DAB1: variants seen among roughly 807,000 people sequenced by gnomAD.
DAB1 encodes disabled homolog 1.
DAB1 carries 15 observed loss-of-function variants against 64.6 expected under a neutral mutation model. The ratio of observed to expected loss-of-function variants is 0.23; its 90% confidence interval spans 0.16 to 0.36. The LOEUF (loss-of-function observed/expected upper bound fraction) is 0.36. DAB1 is among the 10% of genes least tolerant of loss of function. DAB1 has a pLI of 1.00. For synonymous variants in DAB1, 235 were observed against 251.9 expected, an observed-to-expected ratio of 0.93 and a Z score of 0.64; for missense variants, 596 against 706.7, an observed-to-expected ratio of 0.84 and a Z score of 1.78.
At chr1:57,078,741 G>A (rs939249671) in intron 4 of DAB1, among the ~76,000 whole-genome samples, 2 of 152,170 alleles carry the variant, frequency 1.3e-5, no homozygotes, top group South Asian at 4.1e-4. Flanking sequence ...TGGTGGAAGT[G>A]TGATTTGGTG....
At chr1:57,443,144 C>A (rs940694642) in intron 7 of DAB1, among the ~76,000 whole-genome samples, 1 of 152,204 alleles carries the variant, frequency 6.6e-6, no homozygotes, top group African/African-American at 2.4e-5. Flanking sequence ...AAAGAGGACA[C>A]TTAATCATTG....
intron 5 of DAB1, among the ~76,000 whole-genome samples, chr1:58,091,658 C>T (rs901348538): frequency 3.9e-5 from 6 of 152,108 alleles, no homozygotes; most frequent in Non-Finnish European, 5.9e-5. Flanking sequence ...GACTCAGCTC[C>T]CCATAATCCT....
intron 6 of DAB1, among the ~76,000 whole-genome samples, chr1:57,767,308 A>G (rs1369751924): frequency 6.6e-6 from 1 of 152,142 alleles, no homozygotes; most frequent in Non-Finnish European, 1.5e-5. Context: ...TGTTATGAAT[A>G]ACAAAAGATA....
At chr1:57,121,376 G>T (rs1474068504) in intron 4 of DAB1, among the ~76,000 whole-genome samples, 1 of 151,794 alleles carries the variant, frequency 6.6e-6, no homozygotes, top group Non-Finnish European at 1.5e-5. Flanking sequence ...GTACCCTTCT[G>T]CTTGTCACTA....
chr1:57,661,179 GC>G (rs139494703), intron 6 of DAB1, among the ~76,000 whole-genome samples: 1,561 of 152,204 alleles, frequency 0.01, 22 homozygotes, highest in African/African-American at 0.036. Context: ...GTCTAAAACT[GC>G]CCCCTGCTAG....
upstream of DAB1, among the ~76,000 whole-genome samples, chr1:57,425,323 A>G (rs888474590): frequency 2.0e-5 from 3 of 152,210 alleles, no homozygotes; most frequent in African/African-American, 7.2e-5. Flanking sequence ...TAACAAAGAT[A>G]ATGTGATGGA....
At chr1:57,758,808 A>C (rs908525095) in intron 6 of DAB1, among the ~76,000 whole-genome samples, 1 of 152,212 alleles carries the variant, frequency 6.6e-6, no homozygotes, top group African/African-American at 2.4e-5. Context: ...CCAATAAAGA[A>C]AGAAATGTAC....
chr1:57,313,018 A>C (rs1674862235), intron 1 of DAB1, among the ~76,000 whole-genome samples: 1 of 152,116 alleles, frequency 6.6e-6, no homozygotes, highest in African/African-American at 2.4e-5. Context: ...TCCTGGGATG[A>C]GGCTCTCGGA....
intron 6 of DAB1, among the ~76,000 whole-genome samples, chr1:57,812,555 A>G (rs558129642): frequency 1.9e-4 from 29 of 152,258 alleles, no homozygotes; most frequent in African/African-American, 6.7e-4. Context: ...GAATTTGACA[A>G]GTGGGCTCCG....
chr1:57,300,248 TGATATAATTCCAACTGCAAG>T (rs1322571181), intron 1 of DAB1, among the ~76,000 whole-genome samples: 4 of 152,160 alleles, frequency 2.6e-5, no homozygotes, highest in Non-Finnish European at 5.9e-5. Flanking sequence ...GAAATAAAGA[TGATATAATTCCAACTGCAAG>T]GAGCTCAAAT....
Position 57,044,185 on chromosome 1 carries a change from G to A in DAB1, c.724-18142C>T, listed in dbSNP as rs185686834. On this transcript the variant is annotated intron_variant, in intron 9 of 14. Coordinates refer to ENST00000371236, the MANE Select transcript of DAB1 (RefSeq NM_001365792.1). The stretch of plus-strand genomic sequence containing the variant: ...AGCCCCAGCTCTTGTTCATTGCCTT[G>A]TTTGGTTTTGTTTCAAGCACTCACT... 6.6e-5 allele frequency among the ~76,000 whole-genome samples: 10 copies of A among 152,298 alleles called. No individual in the cohort carries two copies. In the East Asian group the frequency reaches 1.7e-3, roughly 26 times the overall value.
At position 58,233,784 on chromosome 1, in the gene DAB1, A is replaced by G. The variant is rs115254848; in HGVS notation, n.310-83196T>C. ...CACAGACCATAAGAATTTGAAATCA[A>G]AAAAGAAATCTCCATTTCAGCTCCT... On this transcript the variant is annotated intron_variant and non_coding_transcript_variant, in intron 4 of 20. Coordinates refer to the DAB1 transcript ENST00000485760. Among the ~76,000 whole-genome samples the G allele has an allele frequency of 3.4e-3, 521 of 152,316 alleles. 1 individual carries two copies. The highest frequency in any genetic ancestry group is 0.012 in the African/African-American group (494 of 41,568).
intron 4 of DAB1, among the ~76,000 whole-genome samples, chr1:58,336,445 T>C (rs1663119907): frequency 6.6e-6 from 1 of 152,232 alleles, no homozygotes; most frequent in Non-Finnish European, 1.5e-5. Context: ...ACAATAGTAA[T>C]AATAGTAGCT....
rs138508256 is a variant in DAB1 at position 57,137,550 on chromosome 1, C to T, written c.208-909G>A. On this transcript the variant is annotated intron_variant, in intron 3 of 14. Coordinates refer to ENST00000371236, the MANE Select transcript of DAB1 (RefSeq NM_001365792.1). ...ATGGGCTCCATACTAGGGTACAACT[C>T]GGGAGATAAAGACCTTTCAAGGGAT... Among the ~76,000 whole-genome samples the T allele has an allele frequency of 2.8e-3, 361 of 126,762 alleles. 1 individual carries two copies. The highest frequency in any genetic ancestry group is 0.01 in the African/African-American group (346 of 33,714). The allele number at this position is 126,762 out of a possible 152,430, so 83.2% of individuals were successfully genotyped here. A position where few individuals can be genotyped will look rare whatever the true frequency, so the allele number is the denominator to read the frequency against.
intron 2 of DAB1, among the ~76,000 whole-genome samples, chr1:57,153,457 C>A (rs1659890520): frequency 6.6e-6 from 1 of 152,186 alleles, no homozygotes; most frequent in Non-Finnish European, 1.5e-5. Flanking sequence ...CTGTATCTCA[C>A]AATGATTTTT....
At chr1:58,037,576 G>T (rs1038211605) in intron 5 of DAB1, among the ~76,000 whole-genome samples, 1 of 152,142 alleles carries the variant, frequency 6.6e-6, no homozygotes, top group African/African-American at 2.4e-5. Flanking sequence ...AGAATTTGAT[G>T]CCTGATTGAG....
chr1:58,049,939 G>T (rs899442150), intron 5 of DAB1, among the ~76,000 whole-genome samples: 4 of 152,140 alleles, frequency 2.6e-5, no homozygotes, highest in African/African-American at 9.7e-5. Flanking sequence ...TGAAAAGGGG[G>T]CATGCAGGAA....
At chr1:58,477,516 T>C (rs972154095) in intron 3 of DAB1, among the ~76,000 whole-genome samples, 7 of 152,104 alleles carry the variant, frequency 4.6e-5, no homozygotes, top group African/African-American at 7.2e-5. Context: ...AGCTTGAATG[T>C]TGGATCCTGA....
chr1:57,505,593 A>G (rs1490554535), intron 7 of DAB1, among the ~76,000 whole-genome samples: 1 of 152,204 alleles, frequency 6.6e-6, no homozygotes, highest in Non-Finnish European at 1.5e-5. Flanking sequence ...ATTTCCTTCT[A>G]TAATTCTTGT....
Sources: gnomAD v4.1 joint callset for allele counts (sites outside exome capture counted in the v4.1 genomes callset) on GRCh38, gnomAD v4.1.1 for gene constraint, MANE v1.5 for transcripts, NCBI Gene and HGNC (gene_info 2026-07-23, HGNC 2026-07-21) for gene names.